RFX3: variants seen among roughly 807,000 people sequenced by gnomAD.
The protein encoded by RFX3 is regulatory factor X3.
Under a neutral mutation model 98.6 loss-of-function variants are expected in RFX3, and 14 were observed. The ratio of observed to expected loss-of-function variants is 0.14; its 90% CI spans 0.09 to 0.22. The LOEUF is 0.22. Ranked by LOEUF, RFX3 falls within the 10% of genes least tolerant of loss-of-function variation. The probability of loss-of-function intolerance (pLI) is 1.00; values close to 1 mark genes in which losing one functional copy is unlikely to be tolerated. For missense variants in RFX3, 639 were observed against 926.9 expected, an observed-to-expected ratio of 0.69 and a Z score of 4.03; for synonymous variants, 383 against 328.4, an observed-to-expected ratio of 1.17 and a Z score of -1.80.
chr9:3,500,841 T>G (rs1210530384), intron 1 of RFX3, among the ~76,000 whole-genome samples: 1 of 152,204 alleles, frequency 6.6e-6, no homozygotes, highest in Non-Finnish European at 1.5e-5. Context: ...TAATACTTAG[T>G]CAATTATTAG....
intron 9 of RFX3, among the ~76,000 whole-genome samples, chr9:3,274,323 C>T (rs544134210): frequency 4.2e-4 from 64 of 152,228 alleles, no homozygotes; most frequent in African/African-American, 1.5e-3. Context: ...GGAGGACTGC[C>T]CAGGAAATCC....
At chr9:3,365,169 G>A (rs912535416) in intron 2 of RFX3, among the ~76,000 whole-genome samples, 2 of 151,740 alleles carry the variant, frequency 1.3e-5, no homozygotes, top group African/African-American at 4.8e-5. Flanking sequence ...GCATGGTGTT[G>A]CACGCCTGTA....
rs149181334 is a variant in RFX3, at chr9:3,514,544, G to T, written c.-9+11203C>A. Reference sequence around the variant, plus strand: ...CTACAGCCTCCAGCCTCCACCTCGAGGGCTGAAGCAATACACCCACCTCAG... The same window carrying T: ...CTACAGCCTCCAGCCTCCACCTCGATGGCTGAAGCAATACACCCACCTCAG... On this transcript the variant is annotated intron_variant, in intron 1 of 16. Transcript: ENST00000617270. Among the ~76,000 whole-genome samples, 623 of 152,126 alleles carry T rather than the reference G, an allele frequency of 4.1e-3. 4 individuals are homozygous for T. The highest frequency in any genetic ancestry group is 0.014 in the Middle Eastern group (4 of 292).
At chr9:3,425,075 A>T in intron 1 of RFX3, among the ~76,000 whole-genome samples, 1 of 152,126 alleles carries the variant, frequency 6.6e-6, no homozygotes, top group East Asian at 1.9e-4. Flanking sequence ...CAAAAAATCT[A>T]AAAATTTTAA....
In RFX3 at chr9:3,270,541, G is replaced by A. The variant is rs774062518; in HGVS notation, c.1203-16C>T. ...ACTCAGATTGCTGGTGTGAATAAAT[G>A]TAGCAAATGAATAGATGGCAAATGA... On this transcript the variant is annotated splice_polypyrimidine_tract_variant and intron_variant, in intron 10 of 16. Transcript: ENST00000617270. 4 of 1,604,554 alleles carry A rather than the reference G, an allele frequency of 2.5e-6. No individual in the cohort carries two copies. Among genetic ancestry groups the A allele is most frequent in the East Asian group, 4.5e-5 (2 of 44,790 alleles).
chr9:3,427,382 A>G (rs1844181307), intron 1 of RFX3, among the ~76,000 whole-genome samples: 1 of 142,566 alleles, frequency 7.0e-6, no homozygotes, highest in East Asian at 2.0e-4. Context: ...GTTATTATAT[A>G]ATAATACAAT....
At chr9:3,389,544 T>A (rs908315699) in intron 2 of RFX3, among the ~76,000 whole-genome samples, 1 of 152,162 alleles carries the variant, frequency 6.6e-6, no homozygotes. Context: ...ACAGGAAATT[T>A]CATATAGCAT....
intron 1 of RFX3, among the ~76,000 whole-genome samples, chr9:3,430,352 G>C (rs956544159): frequency 3.3e-5 from 5 of 152,130 alleles, no homozygotes; most frequent in South Asian, 2.1e-4. Flanking sequence ...ATCCCAGTTA[G>C]TTCCAGCTCT....
At chr9:3,353,804 A>G (rs902191771) in intron 2 of RFX3, among the ~76,000 whole-genome samples, 2 of 152,100 alleles carry the variant, frequency 1.3e-5, no homozygotes, top group Non-Finnish European at 2.9e-5. Context: ...AATTAGACAT[A>G]TAAAGAAGCA....
chr9:3,504,436 G>GCA lies in RFX3; in HGVS notation c.-9+21310_-9+21311insTG, dbSNP rs1156521466. ...TATTATATACCACATAGTATATATTGTATATAAAATATATATTATATGCCA... is the reference window on the plus strand; with the variant it reads ...TATTATATACCACATAGTATATATTGCATATATAAAATATATATTATATGCCA... On this transcript the variant is annotated intron_variant, in intron 1 of 16. Coordinates refer to ENST00000617270, the MANE Select transcript of RFX3 (RefSeq NM_001282116.2). Among the ~76,000 whole-genome samples the GCA allele has an allele frequency of 6.3e-4, 79 of 126,000 alleles. 10 individuals carry two copies. The highest frequency in any genetic ancestry group is 1.3e-3 in the East Asian group (5 of 3,886). The allele number at this position is 126,000 out of a possible 152,430, so 82.7% of individuals were successfully genotyped here.
chr9:3,408,181 G>T (rs1202955145), intron 1 of RFX3, among the ~76,000 whole-genome samples: 1 of 152,132 alleles, frequency 6.6e-6, no homozygotes, highest in Non-Finnish European at 1.5e-5. Context: ...ATCACAAATT[G>T]CATTCAGCAA....
At chr9:3,458,009 T>C (rs1847347393) in intron 1 of RFX3, among the ~76,000 whole-genome samples, 1 of 152,110 alleles carries the variant, frequency 6.6e-6, no homozygotes, top group Non-Finnish European at 1.5e-5. Context: ...ATCAAGGAAA[T>C]GACATCTGAG....
At chr9:3,382,398 T>C (rs1587428334) in intron 2 of RFX3, among the ~76,000 whole-genome samples, 1 of 152,168 alleles carries the variant, frequency 6.6e-6, no homozygotes, top group East Asian at 1.9e-4. Context: ...TTTAACTTTT[T>C]TAAAAAAATA....
chr9:3,451,781 A>C (rs908198154), intron 1 of RFX3, among the ~76,000 whole-genome samples: 2 of 151,966 alleles, frequency 1.3e-5, no homozygotes, highest in Admixed American at 6.5e-5. Context: ...ATATCTTCAC[A>C]TGCTTTCTGT....
intron 1 of RFX3, among the ~76,000 whole-genome samples, chr9:3,488,364 G>C (rs750389698): frequency 5.3e-4 from 80 of 152,018 alleles, no homozygotes; most frequent in Non-Finnish European, 1.1e-3. Context: ...GTATACTATG[G>C]AAACGCTTTT....
rs368038189 is a variant in RFX3, at chr9:3,418,788, T to C, written c.-8-23192A>G. On this transcript the variant is annotated intron_variant, in intron 1 of 16. Coordinates refer to ENST00000617270, the MANE Select transcript of RFX3 (RefSeq NM_001282116.2). ...AAAAATAAGTTGCTTAGAATTCATA[T>C]TTTTAAAAAGACAAATTATTCAAGT... Among the ~76,000 whole-genome samples, 124 of 152,338 alleles carry C rather than the reference T, an allele frequency of 8.1e-4. 3 individuals are homozygous for C. The South Asian group carries it at 0.025, about 31-fold the overall frequency.
At chr9:3,340,444 A>T (rs1247905421) in intron 3 of RFX3, among the ~76,000 whole-genome samples, 1 of 152,240 alleles carries the variant, frequency 6.6e-6, no homozygotes, top group Admixed American at 6.5e-5. Context: ...AGCAAAAGAA[A>T]CTACCATCAG....
intron 13 of RFX3, among the ~76,000 whole-genome samples, chr9:3,260,247 G>A (rs185144531): frequency 9.7e-4 from 147 of 152,044 alleles, no homozygotes; most frequent in African/African-American, 3.4e-3. Context: ...AGGAGTAATG[G>A]CTATCATGGT....
intron 1 of RFX3, chr9:3,420,874 C>T (rs1324411102): frequency 9.1e-6 from 9 of 984,670 alleles, no homozygotes; most frequent in African/African-American, 3.5e-5. Context: ...TCCTGATCTG[C>T]ACAACCAAAG....
Sources: gnomAD v4.1 joint callset for allele counts (sites outside exome capture counted in the v4.1 genomes callset) on GRCh38, gnomAD v4.1.1 for gene constraint, MANE v1.5 for transcripts, NCBI Gene and HGNC (gene_info 2026-07-23, HGNC 2026-07-21) for gene names.